The following ZNF804B variants were observed in gnomAD, a reference collection of about 807,000 sequenced individuals.
The protein encoded by ZNF804B is zinc finger 804B.
Under a neutral mutation model 101.4 loss-of-function variants are expected in ZNF804B, and 80 were observed. That is an observed-to-expected ratio of 0.79 (90% CI 0.66 to 0.95). The LOEUF (loss-of-function observed/expected upper bound fraction) is 0.95. Among genes scored for constraint, ZNF804B ranks in the 40% least tolerant of loss-of-function variants. The probability of loss-of-function intolerance (pLI) is 0.00; values close to 1 mark genes in which losing one functional copy is unlikely to be tolerated. For synonymous variants in ZNF804B, 622 were observed against 558.8 expected (o/e 1.11, Z -1.59); for missense variants, 1,673 against 1,561.9 (o/e 1.07, Z -1.20).
At chr7:89,246,166 T>G (rs1789442457) in intron 2 of ZNF804B, among the ~76,000 whole-genome samples, 1 of 152,128 alleles carries the variant, frequency 6.6e-6, no homozygotes. Context: ...CCTCCACAAC[T>G]AGAACAATAG....
intron 1 of ZNF804B, among the ~76,000 whole-genome samples, chr7:88,884,475 T>C (rs573061844): frequency 2.7e-4 from 41 of 151,938 alleles, no homozygotes; most frequent in Non-Finnish European, 5.0e-4. Flanking sequence ...CTATCTAATT[T>C]TGGCGTTTTA....
chr7:88,969,582 G>A (rs1793503156), intron 1 of ZNF804B, among the ~76,000 whole-genome samples: 1 of 151,636 alleles, frequency 6.6e-6, no homozygotes, highest in Admixed American at 6.6e-5. Context: ...GAGAGAGGAA[G>A]AAAGGAGGAC....
At chr7:89,155,329 C>T (rs1476876515) in intron 1 of ZNF804B, among the ~76,000 whole-genome samples, 5 of 152,112 alleles carry the variant, frequency 3.3e-5, no homozygotes, top group African/African-American at 1.2e-4. Flanking sequence ...GCTGAATGTT[C>T]CACTTTCGAA....
At chr7:88,831,013 TA>T (rs1791124350) in intron 1 of ZNF804B, among the ~76,000 whole-genome samples, 1 of 151,948 alleles carries the variant, frequency 6.6e-6, no homozygotes, top group African/African-American at 2.4e-5. Context: ...TTGTCAGTTT[TA>T]TTTAGATTAA....
intron 1 of ZNF804B, among the ~76,000 whole-genome samples, chr7:88,830,887 T>G (rs1330240259): frequency 6.6e-6 from 1 of 152,022 alleles, no homozygotes; most frequent in African/African-American, 2.4e-5. Context: ...TATTTGTTCA[T>G]GTATTTGCCC....
chr7:89,218,355 G>A (rs1339836560), intron 2 of ZNF804B, 60 bp downstream of exon 2: 1 of 1,578,302 alleles, frequency 6.3e-7, no homozygotes, highest in East Asian at 2.3e-5. Context: ...GAACAGAACT[G>A]TATGAATTTG....
At chr7:89,146,406 C>T (rs1198100626) in intron 1 of ZNF804B, among the ~76,000 whole-genome samples, 1 of 151,950 alleles carries the variant, frequency 6.6e-6, no homozygotes, top group African/African-American at 2.4e-5. Flanking sequence ...TATGAGCCAT[C>T]TAAATGAAAT....
chr7:89,089,354 C>T (rs974533876), intron 1 of ZNF804B, among the ~76,000 whole-genome samples: 6 of 146,846 alleles, frequency 4.1e-5, no homozygotes, highest in Non-Finnish European at 7.4e-5. Flanking sequence ...GCTATGTTTT[C>T]GGAAAAATTT....
chr7:88,775,435 A>C (rs1348321714), intron 1 of ZNF804B, among the ~76,000 whole-genome samples: 1 of 152,218 alleles, frequency 6.6e-6, no homozygotes, highest in Admixed American at 6.5e-5. Context: ...AAGTAGATAG[A>C]TATATGGCCT....
chr7:88,908,928 A>G (rs1301188278), intron 1 of ZNF804B, among the ~76,000 whole-genome samples: 2 of 151,824 alleles, frequency 1.3e-5, no homozygotes, highest in Admixed American at 1.3e-4. Context: ...GTATAAAATT[A>G]TGTAGCTATC....
intron 1 of ZNF804B, among the ~76,000 whole-genome samples, chr7:89,092,838 A>C (rs142963893): frequency 1.2e-3 from 183 of 152,210 alleles, no homozygotes; most frequent in African/African-American, 4.2e-3. Flanking sequence ...TTCATCTTAT[A>C]CATTTTTAAA....
Position 89,249,507 on chromosome 7 carries a change from A to G in ZNF804B, c.249+31212A>G, listed in dbSNP as rs552700088. Among the ~76,000 whole-genome samples the G allele has an allele frequency of 4.6e-5, 7 of 152,320 alleles. No individual in the cohort carries two copies. In the South Asian group the frequency reaches 1.5e-3, roughly 32 times the overall value. On this transcript the variant is annotated intron_variant, in intron 2 of 3. Coordinates refer to ENST00000333190, the MANE Select transcript of ZNF804B (RefSeq NM_181646.5). ...CTCAAAACTACAAAATTACATGGAA[A>G]TTAAACACCTTGCTACTCAATGACT...
chr7:89,016,111 G>GT (rs2116204320), intron 1 of ZNF804B, among the ~76,000 whole-genome samples: 1 of 152,132 alleles, frequency 6.6e-6, no homozygotes, highest in South Asian at 2.1e-4. Context: ...TTTTTCATGT[G>GT]TTTTTTGGCT....
intron 2 of ZNF804B, among the ~76,000 whole-genome samples, chr7:89,232,952 CG>C (rs1225943944): frequency 1.3e-5 from 2 of 152,160 alleles, no homozygotes; most frequent in African/African-American, 4.8e-5. Flanking sequence ...GATGGAGTCT[CG>C]CTCTGTCGCC....
chr7:89,156,226 G>T (rs1790972932), intron 1 of ZNF804B, among the ~76,000 whole-genome samples: 1 of 151,838 alleles, frequency 6.6e-6, no homozygotes, highest in African/African-American at 2.4e-5. Flanking sequence ...CAATTCTCCT[G>T]CCTCAGCCTC....
intron 1 of ZNF804B, among the ~76,000 whole-genome samples, chr7:88,880,423 A>T (rs944429653): frequency 2.0e-5 from 3 of 152,272 alleles, no homozygotes; most frequent in South Asian, 4.1e-4. Context: ...TCTAATTTCT[A>T]TTTTTTCCCA....
intron 1 of ZNF804B, among the ~76,000 whole-genome samples, chr7:88,804,076 A>G (rs937416900): frequency 1.3e-5 from 2 of 152,142 alleles, no homozygotes; most frequent in African/African-American, 4.8e-5. Flanking sequence ...TGGGGTGACC[A>G]TTTAATATTG....
intron 2 of ZNF804B, among the ~76,000 whole-genome samples, chr7:89,318,803 A>G (rs38956): frequency 0.088 from 13,457 of 152,170 alleles, 718 homozygotes; most frequent in Non-Finnish European, 0.12. Context: ...CAGCGGCGCT[A>G]GAGGAATTAA....
At chr7:88,767,003 C>T (rs550584325) in intron 1 of ZNF804B, among the ~76,000 whole-genome samples, 1 of 152,198 alleles carries the variant, frequency 6.6e-6, no homozygotes, top group South Asian at 2.1e-4. Flanking sequence ...ATGGATATTG[C>T]CAGTTTTTTC....
Sources: allele counts gnomAD v4.1 joint callset (sites outside exome capture counted in the v4.1 genomes callset), GRCh38; gene constraint gnomAD v4.1.1; transcripts MANE v1.5; gene names NCBI Gene and HGNC (gene_info 2026-07-23, HGNC 2026-07-21).